The following MTUS2 variants were observed in gnomAD, a reference collection of about 807,000 sequenced individuals.
MTUS2 encodes microtubule associated scaffold protein 2, also known as microtubule-associated tumor suppressor candidate 2.
In MTUS2, 40 loss-of-function variants were observed where a neutral mutation model predicts 114.1. The ratio of observed to expected loss-of-function variants is 0.35; its 90% confidence interval spans 0.27 to 0.46. The LOEUF (loss-of-function observed/expected upper bound fraction) is 0.46. Among genes scored for constraint, MTUS2 ranks in the 20% least tolerant of loss-of-function variants. The pLI, the probability that MTUS2 is intolerant of heterozygous loss-of-function variation, is 1.00. For missense variants in MTUS2, 1,679 were observed against 1,705.4 expected (o/e 0.98, Z 0.27); for synonymous variants, 688 against 672.0 (o/e 1.02, Z -0.37).
chr13:29,049,349 G>A (rs568843019), intron 4 of MTUS2, among the ~76,000 whole-genome samples: 6 of 152,242 alleles, frequency 3.9e-5, no homozygotes, highest in South Asian at 4.1e-4. Context: ...TTAGGATAGC[G>A]GGGGGCTGTA....
Position 29,282,004 on chromosome 13 carries a change from C to T in MTUS2, c.2806+139C>T, listed in dbSNP as rs1018435855. On this transcript the variant is annotated intron_variant, in intron 6 of 15. Transcript: ENST00000612955. ...ATGATAGTTAGTAACAATAATACCA[C>T]TGCTTTTAAGGCACTTTCATATATT... is the stretch of plus-strand genomic sequence containing the variant. The T allele has an allele frequency of 7.3e-5, 71 of 974,682 alleles. No individual in the cohort carries two copies. The Middle Eastern group carries it at 1.0e-3, about 14-fold the overall frequency. The allele number at this position is 974,682 out of a possible 1,614,324, so 60.4% of individuals were successfully genotyped here. A position where few individuals can be genotyped will look rare whatever the true frequency, so the allele number is the denominator to read the frequency against.
intron 9 of MTUS2, among the ~76,000 whole-genome samples, chr13:29,443,533 A>G (rs1334314567): frequency 6.6e-6 from 1 of 152,236 alleles, no homozygotes; most frequent in Non-Finnish European, 1.5e-5. Flanking sequence ...GGGAGGGCGG[A>G]AGGCCTTGGC....
At chr13:29,094,267 T>C (rs1270461090) in intron 4 of MTUS2, among the ~76,000 whole-genome samples, 1 of 152,066 alleles carries the variant, frequency 6.6e-6, no homozygotes, top group African/African-American at 2.4e-5. Context: ...AATTTGTGAA[T>C]AATTCATATT....
intron 5 of MTUS2, among the ~76,000 whole-genome samples, chr13:29,156,551 G>A (rs1307557747): frequency 6.6e-6 from 1 of 152,048 alleles, no homozygotes; most frequent in Non-Finnish European, 1.5e-5. Context: ...TCTGAATCCT[G>A]GCTTTGCCTC....
At chr13:28,824,931 A>G (rs1351168206) in intron 1 of MTUS2, among the ~76,000 whole-genome samples, 2 of 152,190 alleles carry the variant, frequency 1.3e-5, no homozygotes, top group Admixed American at 6.5e-5. Context: ...GTGGTCAGGG[A>G]ATGCCTCACT....
At chr13:29,018,106 T>C (rs2138447748) in intron 2 of MTUS2, among the ~76,000 whole-genome samples, 1 of 152,204 alleles carries the variant, frequency 6.6e-6, no homozygotes, top group African/African-American at 2.4e-5. Flanking sequence ...TTTCATGAAG[T>C]AGGTGGGCTT....
At chr13:28,981,676 C>T (rs1884363810) in intron 2 of MTUS2, among the ~76,000 whole-genome samples, 1 of 152,144 alleles carries the variant, frequency 6.6e-6, no homozygotes, top group Admixed American at 6.5e-5. Flanking sequence ...TGGGCAAGGG[C>T]AGCATGAGCT....
intron 2 of MTUS2, among the ~76,000 whole-genome samples, chr13:28,979,199 G>C (rs1443296848): frequency 6.6e-6 from 1 of 152,162 alleles, no homozygotes; most frequent in East Asian, 1.9e-4. Flanking sequence ...CACAGTTGAG[G>C]ACTTAAACAA....
chr13:28,861,634 T>C (rs1401863917), intron 2 of MTUS2, among the ~76,000 whole-genome samples: 1 of 151,850 alleles, frequency 6.6e-6, no homozygotes, highest in African/African-American at 2.4e-5. Context: ...CAATCAGGAG[T>C]CTAGGGTCTT....
chr13:29,375,283 G>GTCTAAT (rs60167763), intron 8 of MTUS2, among the ~76,000 whole-genome samples: 1 of 129,922 alleles, frequency 7.7e-6, no homozygotes, highest in Non-Finnish European at 1.6e-5. Flanking sequence ...ATTTAAAAAG[G>GTCTAAT]AGTTTTTAAT....
chr13:29,038,929 G>T (rs980024815), intron 4 of MTUS2, among the ~76,000 whole-genome samples: 1 of 152,168 alleles, frequency 6.6e-6, no homozygotes, highest in African/African-American at 2.4e-5. Flanking sequence ...CTGGGGTGCC[G>T]GGCCTTCCAA....
chr13:29,308,186 T>G (rs551845025), intron 6 of MTUS2, among the ~76,000 whole-genome samples: 2 of 152,288 alleles, frequency 1.3e-5, no homozygotes, highest in East Asian at 3.9e-4. Flanking sequence ...TAAAACAGCA[T>G]GGTACTGGTA....
intron 10 of MTUS2, 71 bp from the exon 11 acceptor site, chr13:29,487,829 C>A: frequency 8.3e-7 from 1 of 1,209,446 alleles, no homozygotes; most frequent in Admixed American, 1.7e-5. Context: ...CGGACCTTTT[C>A]CACTCACGGA....
At chr13:29,446,821 C>T (rs1593453365) in intron 9 of MTUS2, among the ~76,000 whole-genome samples, 1 of 152,170 alleles carries the variant, frequency 6.6e-6, no homozygotes. Flanking sequence ...CACACACATA[C>T]ACACAAATGA....
At chr13:29,088,544 C>T (rs1390312302) in intron 4 of MTUS2, among the ~76,000 whole-genome samples, 1 of 152,090 alleles carries the variant, frequency 6.6e-6, no homozygotes. Flanking sequence ...AATGTTCTGC[C>T]TTGATTTCTA....
intron 8 of MTUS2, among the ~76,000 whole-genome samples, chr13:29,372,664 A>G (rs1326347977): frequency 6.6e-6 from 1 of 152,214 alleles, no homozygotes; most frequent in Non-Finnish European, 1.5e-5. Context: ...GGCCAAAGCT[A>G]ATTTTCATAC....
chr13:29,212,492 A>T (rs572353598), intron 5 of MTUS2, among the ~76,000 whole-genome samples: 3 of 152,336 alleles, frequency 2.0e-5, no homozygotes, highest in African/African-American at 7.2e-5. Context: ...TTAAGGGCTC[A>T]ATCTCACAAG....
At chr13:29,099,495 A>G (rs1372195597) in intron 4 of MTUS2, among the ~76,000 whole-genome samples, 2 of 39,488 alleles carry the variant, frequency 5.1e-5, no homozygotes, top group African/African-American at 1.6e-4. Context: ...CCAGTGTATC[A>G]TTTATTGCTG....
At chr13:29,295,115 T>A (rs1898881670) in intron 6 of MTUS2, among the ~76,000 whole-genome samples, 1 of 152,036 alleles carries the variant, frequency 6.6e-6, no homozygotes, top group Non-Finnish European at 1.5e-5. Context: ...ATTGACTGGC[T>A]GTTGCCTTTT....
Sources: allele counts gnomAD v4.1 joint callset (sites outside exome capture counted in the v4.1 genomes callset), GRCh38; gene constraint gnomAD v4.1.1; transcripts MANE v1.5; gene names NCBI Gene and HGNC (gene_info 2026-07-23, HGNC 2026-07-21).